The following LRRFIP2 variants were observed in gnomAD, a reference collection of about 807,000 sequenced individuals.
LRRFIP2 encodes leucine-rich repeat flightless-interacting protein 2.
In LRRFIP2, 109 loss-of-function variants were observed where a neutral mutation model predicts 125.9. The ratio of observed to expected loss-of-function variants is 0.87; its 90% CI spans 0.74 to 1.01. The LOEUF (loss-of-function observed/expected upper bound fraction) is 1.01, where lower values mean the gene tolerates loss of function less well. LRRFIP2 is among the 50% of genes least tolerant of loss of function. The pLI is 0.00. For synonymous variants in LRRFIP2, 291 were observed against 293.1 expected (o/e 0.99, Z 0.07); for missense variants, 850 against 862.3 (o/e 0.99, Z 0.18).
intron 18 of LRRFIP2, among the ~76,000 whole-genome samples, chr3:37,084,223 C>T (rs562893889): frequency 5.1e-4 from 77 of 152,268 alleles, no homozygotes; most frequent in Non-Finnish European, 3.1e-4. Flanking sequence ...GAACTTCATA[C>T]GCATTTGAAT....
intron 24 of LRRFIP2, among the ~76,000 whole-genome samples, chr3:37,063,397 A>T (rs568326295): frequency 6.6e-6 from 1 of 152,382 alleles, no homozygotes; most frequent in African/African-American, 2.4e-5. Context: ...AAGATGCAAC[A>T]TAAGTATGTT....
At chr3:37,129,568 T>C (rs1359202235) in intron 2 of LRRFIP2, among the ~76,000 whole-genome samples, 4 of 152,236 alleles carry the variant, frequency 2.6e-5, no homozygotes, top group Admixed American at 2.6e-4. Context: ...ACTGAGTCTC[T>C]ATCAAACCCA....
intron 18 of LRRFIP2, among the ~76,000 whole-genome samples, chr3:37,087,313 T>A (rs1240635157): frequency 1.3e-5 from 2 of 152,218 alleles, no homozygotes; most frequent in African/African-American, 4.8e-5. Context: ...AGACTTTAAA[T>A]AATTCTCATC....
chr3:37,075,037 T>C lies in LRRFIP2; in HGVS notation c.1358A>G (p.Asp453Gly), dbSNP rs2091830157. ...TCATGTACATACCTCAATAAGCTCA[T>C]CTCTTTGCCGCAGGCCTTCTTTAAG... ...EELKEGLRQR[D>G]ELIEEKQRMQ... The change falls in exon 20 of 28, where the codon GAT becomes GGT. Residue 453 changes from aspartate to glycine, a missense_variant. Physicochemically the swap from Asp to Gly is moderately conservative, Grantham distance 94. Coordinates refer to ENST00000336686, the MANE Select transcript of LRRFIP2 (RefSeq NM_006309.4). 4 of 1,611,978 alleles carry C rather than the reference T, an allele frequency of 2.5e-6. No homozygotes were observed. Among genetic ancestry groups the C allele is most frequent in the Non-Finnish European group, 3.4e-6 (4 of 1,179,008 alleles).
chr3:37,065,646 G>C, intron 23 of LRRFIP2, 164 bp downstream of exon 23: 1 of 838,898 alleles, frequency 1.2e-6, no homozygotes, highest in Non-Finnish European at 2.0e-6. Flanking sequence ...CCAAGGTCAA[G>C]GATGTCTGAA....
At chr3:37,095,810 AT>A (rs1052075147) in intron 16 of LRRFIP2, among the ~76,000 whole-genome samples, 2 of 151,000 alleles carry the variant, frequency 1.3e-5, no homozygotes, top group Non-Finnish European at 3.0e-5. Context: ...ACTGGCTAAT[AT>A]TTTTTTTGCA....
intron 15 of LRRFIP2, among the ~76,000 whole-genome samples, chr3:37,101,668 G>GC: frequency 7.8e-6 from 1 of 128,360 alleles, no homozygotes; most frequent in East Asian, 2.3e-4. Context: ...CTGTCACCAA[G>GC]AAAAAAAAAA....
intron 6 of LRRFIP2, among the ~76,000 whole-genome samples, chr3:37,117,444 C>CA (rs2094841191): frequency 6.6e-6 from 1 of 151,460 alleles, no homozygotes; most frequent in South Asian, 2.1e-4. Flanking sequence ...AATGGGCAAA[C>CA]AAAAAAAGTC....
At chr3:37,054,776 A>G (rs953539118) in intron 26 of LRRFIP2, among the ~76,000 whole-genome samples, 2 of 152,210 alleles carry the variant, frequency 1.3e-5, no homozygotes, top group Non-Finnish European at 2.9e-5. Flanking sequence ...TTAAGTGCCA[A>G]AGCAATATAG....
intron 15 of LRRFIP2, among the ~76,000 whole-genome samples, chr3:37,097,353 CCCCTTA>C (rs2093775569): frequency 6.6e-6 from 1 of 152,072 alleles, no homozygotes; most frequent in Non-Finnish European, 1.5e-5. Context: ...TCTTCTTTTT[CCCCTTA>C]CCAAGTCTCA....
chr3:37,055,290 C>T (rs922550356), intron 25 of LRRFIP2, 125 bp from the exon 26 acceptor site: 23 of 560,806 alleles, frequency 4.1e-5, no homozygotes, highest in Non-Finnish European at 6.1e-5. Context: ...CAGGGCTGGG[C>T]GCGGTGACTC....
intron 1 of LRRFIP2, among the ~76,000 whole-genome samples, chr3:37,149,398 T>C (rs1302722865): frequency 6.6e-6 from 1 of 151,940 alleles, no homozygotes; most frequent in Non-Finnish European, 1.5e-5. Flanking sequence ...ATGTCTGTAA[T>C]CCCAGCTACT....
At chr3:37,124,674 T>C (rs1399651723) in intron 4 of LRRFIP2, among the ~76,000 whole-genome samples, 3 of 152,202 alleles carry the variant, frequency 2.0e-5, no homozygotes, top group East Asian at 3.8e-4. Context: ...TAGACGTTTT[T>C]ATTCACCAGA....
intron 4 of LRRFIP2, 127 bp from the exon 5 acceptor site, chr3:37,121,818 C>A: frequency 1.3e-6 from 1 of 783,910 alleles, no homozygotes; most frequent in Non-Finnish European, 2.1e-6. Context: ...GTTTGGATAA[C>A]TTATCTTAGG....
At chr3:37,124,500 C>T (rs1221914607) in intron 4 of LRRFIP2, among the ~76,000 whole-genome samples, 1 of 152,134 alleles carries the variant, frequency 6.6e-6, no homozygotes, top group Non-Finnish European at 1.5e-5. Context: ...GAAACAGACC[C>T]TGGTAGCAAC....
Position 37,161,463 on chromosome 3 carries a change from A to C in LRRFIP2, c.-55-12425T>G, listed in dbSNP as rs556485496. Among the ~76,000 whole-genome samples the C allele has an allele frequency of 4.6e-5, 7 of 152,350 alleles. No homozygotes were observed. The East Asian group carries it at 1.2e-3, about 25-fold the overall frequency. On this transcript the variant is annotated intron_variant, in intron 1 of 27. Coordinates refer to ENST00000336686, the MANE Select transcript of LRRFIP2 (RefSeq NM_006309.4). Reference sequence around the variant, plus strand: ...TAAAAGCCAGACACAAAGATTACATATTGAATAACTTCATTTATGTAAAAT... The same window carrying C: ...TAAAAGCCAGACACAAAGATTACATCTTGAATAACTTCATTTATGTAAAAT...
At chr3:37,163,445 T>C (rs1247394222) in intron 1 of LRRFIP2, among the ~76,000 whole-genome samples, 1 of 152,162 alleles carries the variant, frequency 6.6e-6, no homozygotes, top group Non-Finnish European at 1.5e-5. Context: ...CCATGCAATC[T>C]ACCACAGTCC....
intron 1 of LRRFIP2, among the ~76,000 whole-genome samples, chr3:37,159,987 CGCA>C (rs2096291085): frequency 1.6e-4 from 10 of 61,920 alleles, no homozygotes; most frequent in African/African-American, 7.2e-4. Context: ...AAGCCCTATG[CGCA>C]AAAAAAAAAA....
intron 21 of LRRFIP2, among the ~76,000 whole-genome samples, chr3:37,071,850 C>CAATCAAAGGCCACATGAGATG (rs1472594747): frequency 2.6e-5 from 4 of 152,220 alleles, no homozygotes; most frequent in African/African-American, 9.6e-5. Context: ...ATGGGACTGC[C>CAATCAAAGGCCACATGAGATG]AATCAAAGGC....
Sources: gnomAD v4.1 joint callset for allele counts (sites outside exome capture counted in the v4.1 genomes callset) on GRCh38, gnomAD v4.1.1 for gene constraint, MANE v1.5 for transcripts, NCBI Gene and HGNC (gene_info 2026-07-23, HGNC 2026-07-21) for gene names.